EFNA5: variants seen among roughly 807,000 people sequenced by gnomAD.
EFNA5 encodes the protein ephrin-A5.
EFNA5 carries 5 observed loss-of-function variants against 22.9 expected under a neutral mutation model. That is an observed-to-expected ratio of 0.22 (90% CI 0.11 to 0.46). The LOEUF (loss-of-function observed/expected upper bound fraction) is 0.46, where lower values mean the gene tolerates loss of function less well. Ranked by LOEUF, EFNA5 falls within the 20% of genes least tolerant of loss-of-function variation. The pLI is 0.99. For synonymous variants in EFNA5, 113 were observed against 112.2 expected, an observed-to-expected ratio of 1.01 and a Z score of -0.04; for missense variants, 237 against 293.3, an observed-to-expected ratio of 0.81 and a Z score of 1.40.
At chr5:107,591,068 G>T (rs1001662972) in intron 1 of EFNA5, among the ~76,000 whole-genome samples, 3 of 144,904 alleles carry the variant, frequency 2.1e-5, no homozygotes, top group African/African-American at 7.5e-5. Context: ...TCAGTGCTGA[G>T]AATAAATTTT....
chr5:107,662,386 T>A (rs780315540), intron 1 of EFNA5, among the ~76,000 whole-genome samples: 2 of 152,190 alleles, frequency 1.3e-5, no homozygotes, highest in Non-Finnish European at 2.9e-5. Context: ...TTGAAATTAA[T>A]CTTACGGAAG....
intron 1 of EFNA5, among the ~76,000 whole-genome samples, chr5:107,567,764 C>G (rs1177899908): frequency 6.6e-6 from 1 of 152,184 alleles, no homozygotes. Flanking sequence ...GGTCTATATG[C>G]ATTTCTAGGA....
intron 1 of EFNA5, among the ~76,000 whole-genome samples, chr5:107,552,830 C>A (rs1046534684): frequency 6.6e-6 from 1 of 152,114 alleles, no homozygotes; most frequent in African/African-American, 2.4e-5. Flanking sequence ...AAAGACTAGC[C>A]CATGTAATAG....
intron 1 of EFNA5, among the ~76,000 whole-genome samples, chr5:107,476,741 C>T (rs908056821): frequency 2.0e-5 from 3 of 147,550 alleles, no homozygotes; most frequent in African/African-American, 8.0e-5. Context: ...CTCTTTCTCT[C>T]TCTCTCTCTC....
chr5:107,429,192 C>T (rs897813929), intron 1 of EFNA5, among the ~76,000 whole-genome samples: 1 of 152,222 alleles, frequency 6.6e-6, no homozygotes. Context: ...CCTGTAATCC[C>T]AGCACTTTGG....
intron 1 of EFNA5, among the ~76,000 whole-genome samples, chr5:107,642,941 A>C (rs1203664689): frequency 1.3e-5 from 2 of 152,176 alleles, no homozygotes; most frequent in East Asian, 3.9e-4. Flanking sequence ...CCTGAAAAAA[A>C]AAAAAAAAAC....
At chr5:107,536,525 A>G (rs1747931963) in intron 1 of EFNA5, among the ~76,000 whole-genome samples, 1 of 152,194 alleles carries the variant, frequency 6.6e-6, no homozygotes, top group South Asian at 2.1e-4. Flanking sequence ...TGTTTCTTAT[A>G]TTGCATGCCT....
chr5:107,667,787 G>C lies in EFNA5; in HGVS notation c.125+2702C>G, dbSNP rs114027342. Reference sequence around the variant, plus strand: ...TTTTAACAGATAGGTTCTATATAAAGACACAAAGCATGGCTAGCTTACTTT... The same window carrying C: ...TTTTAACAGATAGGTTCTATATAAACACACAAAGCATGGCTAGCTTACTTT... On this transcript the variant is annotated intron_variant, in intron 1 of 4. Transcript: ENST00000333274. 4.9e-3 allele frequency among the ~76,000 whole-genome samples: 746 copies of C among 152,124 alleles called. 7 individuals carry two copies. The highest frequency in any genetic ancestry group is 0.016 in the African/African-American group (676 of 41,514).
chr5:107,546,711 AT>A (rs35429880), intron 1 of EFNA5, among the ~76,000 whole-genome samples: 61,524 of 150,340 alleles, frequency 0.41, 12,642 homozygotes, highest in East Asian at 0.6. Context: ...GTAGGAAAGA[AT>A]TTTTTTTTTA....
intron 1 of EFNA5, among the ~76,000 whole-genome samples, chr5:107,646,737 G>C (rs560681595): frequency 1.2e-4 from 19 of 152,006 alleles, no homozygotes; most frequent in Admixed American, 1.0e-3. Context: ...ATGGTGAGGG[G>C]GATACTTCTA....
At chr5:107,439,980 T>G (rs752748372) in intron 1 of EFNA5, among the ~76,000 whole-genome samples, 4 of 152,204 alleles carry the variant, frequency 2.6e-5, no homozygotes, top group Non-Finnish European at 5.9e-5. Context: ...CATTTATTGG[T>G]GGCCTGTGGT....
intron 1 of EFNA5, among the ~76,000 whole-genome samples, chr5:107,542,008 G>A (rs989777051): frequency 1.3e-5 from 2 of 151,990 alleles, no homozygotes; most frequent in Non-Finnish European, 2.9e-5. Flanking sequence ...AAATGATATA[G>A]AAAAAAAATT....
chr5:107,569,581 ATATATATAT>A (rs1748750125), intron 1 of EFNA5, among the ~76,000 whole-genome samples: 2 of 25,814 alleles, frequency 7.7e-5, no homozygotes, highest in Non-Finnish European at 1.2e-4. Context: ...ATATATATAT[ATATATATAT>A]ATATATTCCC....
intron 1 of EFNA5, among the ~76,000 whole-genome samples, chr5:107,571,261 T>C (rs927665028): frequency 5.3e-5 from 8 of 152,152 alleles, no homozygotes; most frequent in African/African-American, 1.9e-4. Context: ...CTGGGGCAAC[T>C]TGTAATCCAA....
intron 1 of EFNA5, among the ~76,000 whole-genome samples, chr5:107,456,252 T>A (rs1399278017): frequency 6.6e-6 from 1 of 152,110 alleles, no homozygotes; most frequent in African/African-American, 2.4e-5. Context: ...TGATTTATAT[T>A]TTTATCCCAG....
chr5:107,465,066 T>A (rs943751751), intron 1 of EFNA5, among the ~76,000 whole-genome samples: 56 of 100,548 alleles, frequency 5.6e-4, no homozygotes, highest in African/African-American at 1.0e-3. Context: ...TGTGAGGCTT[T>A]TTTTTTTTTT....
intron 1 of EFNA5, among the ~76,000 whole-genome samples, chr5:107,495,739 T>A (rs914264480): frequency 6.6e-6 from 1 of 152,094 alleles, no homozygotes; most frequent in Non-Finnish European, 1.5e-5. Flanking sequence ...TTAAACAACA[T>A]TTAAAAATAC....
At chr5:107,571,530 G>A (rs948710056) in intron 1 of EFNA5, among the ~76,000 whole-genome samples, 11 of 144,020 alleles carry the variant, frequency 7.6e-5, no homozygotes, top group African/African-American at 2.5e-4. Context: ...AATTACCAAG[G>A]GTCATCCTCT....
At position 107,670,341 on chromosome 5, in the gene EFNA5, C is replaced by A; in HGVS notation, c.125+148G>T. 12 of 1,073,206 alleles carry A rather than the reference C, an allele frequency of 1.1e-5. No homozygotes were observed. The South Asian group carries it at 2.3e-4, about 21-fold the overall frequency. 66.5% of individuals were successfully genotyped at this position (1,073,206 alleles called of 1,614,324 possible). The stretch of plus-strand genomic sequence containing the variant: ...AGGGGCGCGACGCGAGCGCTTCCCG[C>A]CGACGCCTCAAGCCATCAGCGCCCG... On this transcript the variant is annotated intron_variant, in intron 1 of 4. Coordinates refer to ENST00000333274, the MANE Select transcript of EFNA5 (RefSeq NM_001962.3).
Sources: allele counts gnomAD v4.1 joint callset (sites outside exome capture counted in the v4.1 genomes callset), GRCh38; gene constraint gnomAD v4.1.1; transcripts MANE v1.5; gene names NCBI Gene and HGNC (gene_info 2026-07-23, HGNC 2026-07-21).